The following ZGRF1 variants were observed in gnomAD, a reference collection of about 807,000 sequenced individuals.
ZGRF1 encodes 5'-3' DNA helicase ZGRF1.
In ZGRF1, 196 loss-of-function variants were observed where a neutral mutation model predicts 203.5. The observed-to-expected ratio is 0.96, with a 90% CI of 0.86 to 1.08. The LOEUF is 1.08. Ranked by LOEUF, ZGRF1 falls within the 50% of genes least tolerant of loss-of-function variation. The pLI, the probability that ZGRF1 is intolerant of heterozygous loss-of-function variation, is 0.00. For synonymous variants in ZGRF1, 809 were observed against 841.3 expected, an observed-to-expected ratio of 0.96 and a Z score of 0.66; for missense variants, 2,326 against 2,416.3, an observed-to-expected ratio of 0.96 and a Z score of 0.78.
At chr4:112,622,389 G>A (rs577193957) in intron 4 of ZGRF1, among the ~76,000 whole-genome samples, 5 of 151,844 alleles carry the variant, frequency 3.3e-5, no homozygotes, top group East Asian at 2.0e-4. Flanking sequence ...GCATGGTGGC[G>A]CACGCCTGTA....
In ZGRF1 at chr4:112,584,069, G is replaced by A. The variant is rs772446210; in HGVS notation, c.4207C>T (p.Pro1403Ser). The part of the protein sequence containing the change: ...PGYSTQEGAR[P>S]GMVLSDIKSI... Reference sequence around the variant, plus strand: ...TTAATATCACTTAAAACCATGCCAGGTCGAGCTCCTTCCTGTGTTGAATAT... The same window carrying A: ...TTAATATCACTTAAAACCATGCCAGATCGAGCTCCTTCCTGTGTTGAATAT... Residue 1403 changes from proline to serine, a missense_variant, in exon 15 of 28, where the codon CCT (proline) becomes TCT (serine). Pro to Ser is a moderately conservative substitution (Grantham distance 74, BLOSUM62 -1). Transcript: ENST00000505019. 2 of 1,613,348 alleles carry A rather than the reference G, an allele frequency of 1.2e-6. No individual in the cohort carries two copies. Among genetic ancestry groups the A allele is most frequent in the Admixed American group, 3.3e-5 (2 of 59,972 alleles).
In ZGRF1 at chr4:112,603,622, G is replaced by A. The variant is rs752965321; in HGVS notation, c.2878C>T (p.Leu960=). The part of the protein sequence containing the change: ...GVMVRGHSSQ[L]GCSQFPDSTE... Reference sequence around the variant, plus strand: ...CTATCTGGAAACTGACTGCATCCTAGCTGTGAGCTGTGTCCTCTGACCATT... The same window carrying A: ...CTATCTGGAAACTGACTGCATCCTAACTGTGAGCTGTGTCCTCTGACCATT... Residue 960 remains leucine, a synonymous_variant, in exon 10 of 28, where the codon CTA becomes TTA. Coordinates refer to ENST00000505019, the MANE Select transcript of ZGRF1 (RefSeq NM_018392.5). The A allele has an allele frequency of 5.0e-6, 8 of 1,613,758 alleles. No individual in the cohort carries two copies. The highest frequency in any genetic ancestry group is 8.5e-7 in the Non-Finnish European group (1 of 1,179,798).
intron 10 of ZGRF1, among the ~76,000 whole-genome samples, chr4:112,596,630 G>C (rs1233248831): frequency 6.6e-6 from 1 of 151,868 alleles, no homozygotes; most frequent in African/African-American, 2.4e-5. Context: ...GTCTCACTCT[G>C]TTGCCCAAGC....
rs1366609039 is a variant in ZGRF1 at position 112,599,265 on chromosome 4, A to G, written c.2976+4259T>C. 2.0e-5 allele frequency among the ~76,000 whole-genome samples: 3 copies of G among 152,214 alleles called. No individual in the cohort carries two copies. The East Asian group carries it at 5.8e-4, about 29-fold the overall frequency. On this transcript the variant is annotated intron_variant, in intron 10 of 27. Transcript: ENST00000505019. ...TTTTTATAATATTGAAAATTTATCAATAACATATTATAAAAATGTTAATTC... is the reference window on the plus strand; with the variant it reads ...TTTTTATAATATTGAAAATTTATCAGTAACATATTATAAAAATGTTAATTC...
chr4:112,547,829 G>C (rs1312946175), intron 23 of ZGRF1, among the ~76,000 whole-genome samples: 2 of 151,990 alleles, frequency 1.3e-5, no homozygotes, highest in Non-Finnish European at 2.9e-5. Flanking sequence ...GGATATAGTG[G>C]GGAAAAATCA....
intron 19 of ZGRF1, among the ~76,000 whole-genome samples, chr4:112,559,315 C>T (rs372326656): frequency 6.6e-6 from 1 of 152,160 alleles, no homozygotes; most frequent in Non-Finnish European, 1.5e-5. Flanking sequence ...CCTCCCACCA[C>T]AACCTCCAAA....
In ZGRF1 at chr4:112,540,038, A is replaced by G. The variant is rs1339257650; in HGVS notation, c.5997T>C (p.Ala1999=). ...QVSTVDAFQG[A]EKEIIILSCV... The stretch of plus-strand genomic sequence containing the variant: ...AGGACAGAATAATGATCTCCTTTTC[A>G]GCTCCCTGAAAAGCATCTACTGTGG... The change falls in exon 27 of 28, where the codon GCT becomes GCC. Residue 1999 remains alanine (A), a synonymous_variant. Coordinates refer to ENST00000505019, the MANE Select transcript of ZGRF1 (RefSeq NM_018392.5). 3 of 1,610,666 alleles carry G rather than the reference A, an allele frequency of 1.9e-6. No homozygotes were observed. Among genetic ancestry groups the G allele is most frequent in the Non-Finnish European group, 2.5e-6 (3 of 1,178,076 alleles).
chr4:112,588,569 C>G (rs1747629212), intron 11 of ZGRF1, among the ~76,000 whole-genome samples: 1 of 152,064 alleles, frequency 6.6e-6, no homozygotes, highest in Non-Finnish European at 1.5e-5. Context: ...TTTAATGATT[C>G]CTTCTGTGTG....
At chr4:112,546,440 T>C (rs1282970099) in intron 24 of ZGRF1, among the ~76,000 whole-genome samples, 1 of 152,234 alleles carries the variant, frequency 6.6e-6, no homozygotes, top group Non-Finnish European at 1.5e-5. Flanking sequence ...AAAAGTTTTT[T>C]TTAAGAAATT....
At chr4:112,603,771 G>C in intron 9 of ZGRF1, 74 bp from the exon 10 acceptor site, 1 of 1,110,822 alleles carries the variant, frequency 9.0e-7, no homozygotes, top group Non-Finnish European at 1.3e-6. Flanking sequence ...TAAACACACA[G>C]AATACAATAC....
intron 22 of ZGRF1, 97 bp downstream of exon 22, chr4:112,553,738 T>C (rs571878361): frequency 1.9e-6 from 2 of 1,066,870 alleles, no homozygotes; most frequent in South Asian, 3.5e-5. Context: ...CATAGCAGTT[T>C]GTTTTATTTA....
At position 112,619,309 on chromosome 4, in the gene ZGRF1, C is replaced by G; in HGVS notation, c.733G>C (p.Val245Leu). 2 of 1,613,260 alleles carry G rather than the reference C, an allele frequency of 1.2e-6. No homozygotes were observed. Among genetic ancestry groups the G allele is most frequent in the South Asian group, 1.1e-5 (1 of 90,970 alleles). ...RDSLASHYSG[V>L]SQNIRSKAQI... ...GCTTTGCTTCTGATGTTTTGTGAAA[C>G]TCCTGAATAGTGAGATGCCAAACTA... is the stretch of plus-strand genomic sequence containing the variant. The change falls in exon 6 of 28, where the codon GTT becomes CTT. Residue 245 changes from valine to leucine, a missense_variant. By Grantham distance (32) the Val-to-Leu change is conservative (BLOSUM62 1). Coordinates refer to ENST00000505019, the MANE Select transcript of ZGRF1 (RefSeq NM_018392.5).
chr4:112,631,146 CTT>C (rs2047396290), intron 3 of ZGRF1, among the ~76,000 whole-genome samples: 2 of 152,086 alleles, frequency 1.3e-5, no homozygotes, highest in African/African-American at 4.8e-5. Context: ...CAGTTTATAA[CTT>C]TTTAAAAACT....
rs775484301 is a variant in ZGRF1 at position 112,562,386 on chromosome 4, T to G, written c.4682A>C (p.Gln1561Pro). ...YFNPATLPLT[Q>P]YLLTTSSPTI... The stretch of plus-strand genomic sequence containing the variant: ...AATGACTTACGTTGTTAACAGGTAC[T>G]GTGTTAGAGGTAGAGTAGCTGGATT... The change falls in exon 18 of 28, where the codon CAG becomes CCG. Residue 1561 changes from glutamine to proline, a missense_variant. Coordinates refer to ENST00000505019, the MANE Select transcript of ZGRF1 (RefSeq NM_018392.5). The G allele has an allele frequency of 1.9e-5, 30 of 1,597,618 alleles. No individual in the cohort carries two copies. In the African/African-American group the frequency reaches 4.0e-4, roughly 21 times the overall value.
chr4:112,547,336 T>G lies in ZGRF1; in HGVS notation c.5547A>C (p.Ala1849=), dbSNP rs1739010147. The change falls in exon 24 of 28, where the codon GCA becomes GCC. Residue 1849 remains alanine (A), a synonymous_variant. Transcript: ENST00000505019. ...QLPPTIQGSD[A]AHENGLEQTL... is the part of the protein sequence containing the mutation. ...TTTGTTCCAATCCATTTTCATGAGC[T>G]GCATCAGAACCCTGAATAGTAGGAG... 3.1e-6 allele frequency: 5 copies of G among 1,613,760 alleles called. No individual in the cohort carries two copies. The East Asian group carries it at 6.7e-5, about 22-fold the overall frequency.
chr4:112,588,414 T>C (rs1229715675), intron 11 of ZGRF1, among the ~76,000 whole-genome samples: 5 of 152,168 alleles, frequency 3.3e-5, no homozygotes, highest in African/African-American at 2.4e-5. Flanking sequence ...GACTATGTGA[T>C]TGTAACTTCC....
rs1350173761 is a variant in ZGRF1, at chr4:112,560,843, T to C, written c.4850A>G (p.Lys1617Arg). The C allele has an allele frequency of 1.2e-6, 2 of 1,613,778 alleles. No homozygotes were observed. Among genetic ancestry groups the C allele is most frequent in the Non-Finnish European group, 1.7e-6 (2 of 1,179,722 alleles). Residue 1617 changes from lysine to arginine, a missense_variant, in exon 19 of 28, where the codon AAG (lysine) becomes AGG (arginine). Lys to Arg is a conservative substitution (Grantham distance 26, BLOSUM62 2). Coordinates refer to ENST00000505019, the MANE Select transcript of ZGRF1 (RefSeq NM_018392.5). Reference protein sequence around the residue: ...SELIQVHKLNKDQATALIQIA... With the variant: ...SELIQVHKLNRDQATALIQIA... Reference sequence around the variant, plus strand: ...TTGAATTAGAGCTGTAGCTTGATCCTTGTTTAACTTGTGTACCTGAATCAA... The same window carrying C: ...TTGAATTAGAGCTGTAGCTTGATCCCTGTTTAACTTGTGTACCTGAATCAA...
intron 3 of ZGRF1, among the ~76,000 whole-genome samples, chr4:112,627,863 CT>C (rs1396808590): frequency 1.3e-5 from 2 of 152,226 alleles, no homozygotes; most frequent in Non-Finnish European, 2.9e-5. Flanking sequence ...ACCACTTTAG[CT>C]TTATACTGCA....
intron 26 of ZGRF1, 93 bp downstream of exon 26, chr4:112,540,728 A>G (rs900980117): frequency 1.9e-6 from 2 of 1,037,578 alleles, no homozygotes; most frequent in Non-Finnish European, 2.7e-6. Context: ...TTTTTCAGGC[A>G]CCAAACCAAC....
Sources: gnomAD v4.1 joint callset for allele counts (sites outside exome capture counted in the v4.1 genomes callset) on GRCh38, gnomAD v4.1.1 for gene constraint, MANE v1.5 for transcripts, NCBI Gene and HGNC (gene_info 2026-07-23, HGNC 2026-07-21) for gene names.